HHAT: variants seen among roughly 807,000 people sequenced by gnomAD.
HHAT encodes protein-cysteine N-palmitoyltransferase HHAT.
In HHAT, 47 loss-of-function variants were observed where a neutral mutation model predicts 70.8. That is an observed-to-expected ratio of 0.66 (90% CI 0.53 to 0.85). HHAT has a LOEUF of 0.85. HHAT is among the 40% of genes least tolerant of loss of function. HHAT has a pLI of 0.00. For missense variants in HHAT, 609 were observed against 604.8 expected (o/e 1.01, Z -0.07); for synonymous variants, 228 against 247.6 (o/e 0.92, Z 0.74).
intron 9 of HHAT, among the ~76,000 whole-genome samples, chr1:210,584,607 T>G (rs1252206342): frequency 6.6e-6 from 1 of 152,144 alleles, no homozygotes; most frequent in Non-Finnish European, 1.5e-5. Context: ...CTTTTCTGAC[T>G]TGTCATCCAA....
Position 210,537,339 on chromosome 1 carries a change from C to T in HHAT, c.1043+24151C>T, listed in dbSNP as rs1301074199. Among the ~76,000 whole-genome samples the T allele has an allele frequency of 2.6e-5, 4 of 152,148 alleles. No homozygotes were observed. In the East Asian group the frequency reaches 7.7e-4, roughly 29 times the overall value. On this transcript the variant is annotated intron_variant, in intron 9 of 11. Transcript: ENST00000261458. ...ACCAGTTCAGAAACATAGTCTGTTG[C>T]AAGCAGAAAGGTGGGCTGCCCTTCC...
chr1:210,349,023 C>T lies in HHAT; in HGVS notation c.48C>T (p.Gly16=). The change falls in exon 2 of 12, where the codon GGC becomes GGT. Residue 16 remains glycine (G), a synonymous_variant. Coordinates refer to ENST00000261458, the MANE Select transcript of HHAT (RefSeq NM_018194.6). ...CACTTTACCTACTTGCCTCACTAGG[C>T]TTCCACTTCTATTCCTTCTATGAAG... ...ELALYLLASL[G]FHFYSFYEVY... 2 of 1,614,090 alleles carry T rather than the reference C, an allele frequency of 1.2e-6. No homozygotes were observed. The highest frequency in any genetic ancestry group is 1.7e-6 in the Non-Finnish European group (2 of 1,179,992).
intron 4 of HHAT, among the ~76,000 whole-genome samples, chr1:210,393,625 G>T (rs2091593284): frequency 6.6e-6 from 1 of 152,168 alleles, no homozygotes; most frequent in Admixed American, 6.5e-5. Flanking sequence ...TCACCTTTCT[G>T]CATCTTGTTA....
chr1:210,457,556 G>A (rs2093895667), intron 7 of HHAT, among the ~76,000 whole-genome samples: 1 of 152,160 alleles, frequency 6.6e-6, no homozygotes, highest in Non-Finnish European at 1.5e-5. Flanking sequence ...TTGGGAGCCA[G>A]TGCCTGACAC....
chr1:210,600,235 C>A (rs1663921305), intron 10 of HHAT, among the ~76,000 whole-genome samples: 1 of 152,186 alleles, frequency 6.6e-6, no homozygotes, highest in Admixed American at 6.5e-5. Context: ...ATACTGTATT[C>A]TTGACCCTTA....
intron 9 of HHAT, among the ~76,000 whole-genome samples, chr1:210,576,907 T>A (rs1657905841): frequency 6.6e-6 from 1 of 152,224 alleles, no homozygotes. Context: ...CTAAATTTAT[T>A]CCTAAGTATT....
At chr1:210,362,249 TTC>T (rs1433954137) in intron 2 of HHAT, among the ~76,000 whole-genome samples, 5 of 116,530 alleles carry the variant, frequency 4.3e-5, no homozygotes, top group Admixed American at 9.8e-5. Flanking sequence ...TTTTTTTTTT[TTC>T]TTTTCTTTTT....
chr1:210,352,015 C>T (rs1384164872), intron 2 of HHAT, among the ~76,000 whole-genome samples: 1 of 152,128 alleles, frequency 6.6e-6, no homozygotes, highest in South Asian at 2.1e-4. Flanking sequence ...CATGAGGACA[C>T]TGAGGCTCAA....
intron 1 of HHAT, among the ~76,000 whole-genome samples, chr1:210,336,645 G>A (rs1006537904): frequency 6.6e-6 from 1 of 151,974 alleles, no homozygotes; most frequent in Non-Finnish European, 1.5e-5. Context: ...TTAGCAGGGG[G>A]TGGTGATGCG....
intron 9 of HHAT, among the ~76,000 whole-genome samples, chr1:210,562,195 A>G (rs984188424): frequency 1.2e-4 from 19 of 152,128 alleles, no homozygotes; most frequent in Non-Finnish European, 1.5e-5. Flanking sequence ...TGCTGTTTCA[A>G]GAGCACCCTT....
At chr1:210,405,847 T>A (rs1218683499) in intron 6 of HHAT, among the ~76,000 whole-genome samples, 1 of 152,220 alleles carries the variant, frequency 6.6e-6, no homozygotes, top group Non-Finnish European at 1.5e-5. Flanking sequence ...ATCGTTCTTT[T>A]GTCATGAAGG....
chr1:210,615,265 T>C (rs1409753578), intron 10 of HHAT, among the ~76,000 whole-genome samples: 1 of 152,250 alleles, frequency 6.6e-6, no homozygotes, highest in Non-Finnish European at 1.5e-5. Context: ...GGGTTGTTTT[T>C]TTCTTGTAAA....
chr1:210,584,586 G>C (rs1197009331), intron 9 of HHAT, among the ~76,000 whole-genome samples: 1 of 152,090 alleles, frequency 6.6e-6, no homozygotes, highest in African/African-American at 2.4e-5. Context: ...ACTGTGCCCT[G>C]GGCTGTCAGG....
intron 7 of HHAT, among the ~76,000 whole-genome samples, chr1:210,437,687 G>A (rs1361962038): frequency 6.6e-6 from 1 of 151,754 alleles, no homozygotes; most frequent in Non-Finnish European, 1.5e-5. Context: ...AGACTGCCGG[G>A]CCCTTTTGTT....
At chr1:210,610,899 GT>G (rs1666444758) in intron 10 of HHAT, among the ~76,000 whole-genome samples, 1 of 152,100 alleles carries the variant, frequency 6.6e-6, no homozygotes, top group Admixed American at 6.6e-5. Flanking sequence ...CAGACACATA[GT>G]TTTGGTTATT....
rs561134364 is a variant in HHAT, at chr1:210,484,295, C to T, written c.1007+19640C>T. ...TATAGTTCTCCCTTATTTAATAGAACACTCATAATTTTGAAGTATCCTAAT... is the reference window on the plus strand; with the variant it reads ...TATAGTTCTCCCTTATTTAATAGAATACTCATAATTTTGAAGTATCCTAAT... On this transcript the variant is annotated intron_variant, in intron 8 of 11. Transcript: ENST00000261458. Among the ~76,000 whole-genome samples the T allele has an allele frequency of 3.3e-5, 5 of 152,154 alleles. No homozygotes were observed. In the East Asian group the frequency reaches 9.7e-4, roughly 29 times the overall value.
Position 210,430,933 on chromosome 1 carries a change from T to TAA in HHAT, c.856+12608_856+12609insAA, listed in dbSNP as rs1297471833. ...TCAAGTTTACTTATGTTTTCAAACATGATAAACATATTTATCTTACATTCT... is the reference window on the plus strand; with the variant it reads ...TCAAGTTTACTTATGTTTTCAAACATAAGATAAACATATTTATCTTACATTCT... On this transcript the variant is annotated intron_variant, in intron 7 of 11. Coordinates refer to ENST00000261458, the MANE Select transcript of HHAT (RefSeq NM_018194.6). 1.2e-4 allele frequency among the ~76,000 whole-genome samples: 19 copies of TAA among 152,088 alleles called. No homozygotes were observed. In the East Asian group the frequency reaches 3.7e-3, roughly 29 times the overall value.
At chr1:210,446,278 A>G (rs750581894) in intron 7 of HHAT, among the ~76,000 whole-genome samples, 12 of 152,290 alleles carry the variant, frequency 7.9e-5, no homozygotes, top group Admixed American at 2.6e-4. Flanking sequence ...CCGCTTATAT[A>G]TATGAGTTTT....
At chr1:210,446,187 CAA>C (rs2093631212) in intron 7 of HHAT, among the ~76,000 whole-genome samples, 1 of 152,108 alleles carries the variant, frequency 6.6e-6, no homozygotes. Flanking sequence ...TGAGCTTTCC[CAA>C]AAGACAACTG....
Sources: gnomAD v4.1 joint callset for allele counts (sites outside exome capture counted in the v4.1 genomes callset) on GRCh38, gnomAD v4.1.1 for gene constraint, MANE v1.5 for transcripts, NCBI Gene and HGNC (gene_info 2026-07-23, HGNC 2026-07-21) for gene names.